TPR: variants seen among roughly 807,000 people sequenced by gnomAD.
TPR encodes translocated promoter region, nuclear basket protein.
A neutral mutation model predicts 316.1 loss-of-function variants in TPR; 51 were observed. That is an observed-to-expected ratio of 0.16 (90% CI 0.13 to 0.20). The LOEUF is 0.20. Among genes scored for constraint, TPR ranks in the 10% least tolerant of loss-of-function variants. The pLI is 1.00. For missense variants in TPR, 2,272 were observed against 2,754.8 expected (o/e 0.82, Z 3.92); for synonymous variants, 981 against 914.7 (o/e 1.07, Z -1.31).
In TPR at chr1:186,312,591, TA is replaced by T; in HGVS notation, c.*1379del. The T allele has an allele frequency of 1.3e-6, 1 of 786,704 alleles. No homozygotes were observed. The highest frequency in any genetic ancestry group is 2.7e-5 in the East Asian group (1 of 37,572). The allele number at this position is 786,704 out of a possible 1,614,324, so 48.7% of individuals were successfully genotyped here. On this transcript the variant is annotated 3_prime_UTR_variant, in exon 51 of 51. Transcript: ENST00000367478. Reference sequence around the variant, plus strand: ...AAGCAGTTTGTTCAGGTTTGTTAGTTATAACCAATACTATTTATCAAGTACT... The same window carrying T: ...AAGCAGTTTGTTCAGGTTTGTTAGTTTAACCAATACTATTTATCAAGTACT...
At chr1:186,341,728 C>G (rs1658509418) in intron 27 of TPR, 1 of 187,542 alleles carries the variant, frequency 5.3e-6, no homozygotes, top group African/African-American at 2.4e-5. Context: ...AAATGTTATT[C>G]TAATCCTCAG....
chr1:186,372,674 G>A (rs370890303), intron 2 of TPR, among the ~76,000 whole-genome samples: 15 of 152,266 alleles, frequency 9.9e-5, no homozygotes, highest in Non-Finnish European at 1.8e-4. Context: ...GTCTGATCTC[G>A]GAAGCTAAGC....
chr1:186,363,133 T>A, intron 5 of TPR, 132 bp from the exon 6 acceptor site: 1 of 1,124,570 alleles, frequency 8.9e-7, no homozygotes, highest in Non-Finnish European at 1.2e-6. Context: ...CATAGATTCT[T>A]AACTAGAAAA....
intron 21 of TPR, among the ~76,000 whole-genome samples, chr1:186,349,009 C>G (rs1658766131): frequency 1.3e-5 from 2 of 152,132 alleles, no homozygotes; most frequent in South Asian, 4.1e-4. Flanking sequence ...AGATGCTTCT[C>G]TACTCCCAGT....
intron 38 of TPR, 145 bp downstream of exon 38, chr1:186,332,050 G>T: frequency 1.3e-6 from 1 of 785,962 alleles, no homozygotes; most frequent in Non-Finnish European, 1.9e-6. Context: ...GGTTGTCAGT[G>T]GAATCTTTGT....
chr1:186,333,527 G>A (rs972655978), intron 36 of TPR, 133 bp from the exon 37 acceptor site: 2 of 1,059,746 alleles, frequency 1.9e-6, no homozygotes, highest in African/African-American at 1.6e-5. Flanking sequence ...TGTAGGTAAA[G>A]GTAATGTATT....
Position 186,353,829 on chromosome 1 carries a change from A to G in TPR, c.2193T>C (p.Asn731=), listed in dbSNP as rs1658945198. ...TTATTTCTCGACGATATCCTTCAAC[A>G]TTATCTTGCAGCATTTCATAACTGG... The part of the protein sequence containing the change: ...ASKRYEMLQD[N]VEGYRREITS... The change falls in exon 18 of 51, where the codon AAT becomes AAC. Residue 731 remains asparagine (N), a synonymous_variant. Transcript: ENST00000367478. The G allele has an allele frequency of 2.5e-6, 4 of 1,613,750 alleles. No individual in the cohort carries two copies. Among genetic ancestry groups the G allele is most frequent in the Non-Finnish European group, 3.4e-6 (4 of 1,179,954 alleles).
intron 39 of TPR, 37 bp from the exon 40 acceptor site, chr1:186,327,697 C>T (rs2102060365): frequency 6.4e-7 from 1 of 1,568,722 alleles, no homozygotes; most frequent in Non-Finnish European, 8.7e-7. Flanking sequence ...AATTAAGAGC[C>T]CTATAAACAT....
At position 186,314,645 on chromosome 1, in the gene TPR, C is replaced by G; in HGVS notation, c.7020G>C (p.Gln2340His). The change falls in exon 50 of 51, where the codon CAG (glutamine) becomes CAC (histidine). Residue 2340 changes from glutamine (Q) to histidine (H), a missense_variant. Physicochemically the swap from Gln to His is conservative, Grantham distance 24. Transcript: ENST00000367478. ...TTLRQGVRGRQFNRQRGVSHA... is the reference protein window; with the variant it reads ...TTLRQGVRGRHFNRQRGVSHA... Reference sequence around the variant, plus strand: ...GAAATTCACCTCTCTGTCTGTTAAACTGACGACCACGGACACCTTGTCTCA... The same window carrying G: ...GAAATTCACCTCTCTGTCTGTTAAAGTGACGACCACGGACACCTTGTCTCA... 1.2e-6 allele frequency: 2 copies of G among 1,610,828 alleles called. No homozygotes were observed. Among genetic ancestry groups the G allele is most frequent in the Non-Finnish European group, 1.7e-6 (2 of 1,178,354 alleles).
intron 2 of TPR, 86 bp downstream of exon 2, chr1:186,373,273 T>C (rs1659587889): frequency 1.2e-6 from 1 of 817,254 alleles, no homozygotes; most frequent in Non-Finnish European, 1.9e-6. Context: ...TCATGTTTAG[T>C]AAGCAAATGT....
chr1:186,318,522 C>T lies in TPR; in HGVS notation c.6746G>A (p.Gly2249Asp). ...TGTTTCATTTGTTGTAGATAAAGTG[C>T]CAGTGGATGTAGTCACCATTGGAAC... ...QSVPMVTTST[G>D]TLSTTNETAT... is the part of the protein sequence containing the mutation. Residue 2249 changes from glycine (G) to aspartate (D), a missense_variant, in exon 48 of 51, where the codon GGC becomes GAC. Gly to Asp is a moderately conservative substitution (Grantham distance 94). Around this residue, in one of 10 missense-constraint regions of TPR, gnomAD observed 123 missense variants for 142.3 expected, o/e 0.86. Coordinates refer to ENST00000367478, the MANE Select transcript of TPR (RefSeq NM_003292.3). The T allele has an allele frequency of 6.2e-7, 1 of 1,614,078 alleles. No homozygotes were observed. Among genetic ancestry groups the T allele is most frequent in the Non-Finnish European group, 8.5e-7 (1 of 1,180,006 alleles).
At position 186,312,008 on chromosome 1, in the gene TPR, AATT is replaced by A; in HGVS notation, c.*1960_*1962del. On this transcript the variant is annotated 3_prime_UTR_variant, in exon 51 of 51. Transcript: ENST00000367478. Reference sequence around the variant, plus strand: ...CATTCAACAAGTATTTCAGTTTAATAATTATTTTTATAATACCCTTGACTAATA... The same window carrying A: ...CATTCAACAAGTATTTCAGTTTAATAATTTTTATAATACCCTTGACTAATA... 6.6e-6 allele frequency: 4 copies of A among 604,730 alleles called. No homozygotes were observed. Among genetic ancestry groups the A allele is most frequent in the Middle Eastern group, 4.5e-4 (1 of 2,236 alleles). The allele number at this position is 604,730 out of a possible 1,614,324, so 37.5% of individuals were successfully genotyped here.
At chr1:186,329,190 A>G (rs1658083842) in intron 39 of TPR, among the ~76,000 whole-genome samples, 1 of 152,228 alleles carries the variant, frequency 6.6e-6, no homozygotes, top group African/African-American at 2.4e-5. Flanking sequence ...GCTAATTTCA[A>G]GAAAAAGCTT....
At position 186,341,240 on chromosome 1, in the gene TPR, T is replaced by C. The variant is rs780040223; in HGVS notation, c.3888+12A>G. On this transcript the variant is annotated intron_variant, in intron 28 of 50. Transcript: ENST00000367478. ...ACAACATGCTTCCACTCTTGATAAC[T>C]AAGCAACAAACCTTTGCTTGCATTT... is the stretch of plus-strand genomic sequence containing the variant. 4 of 1,613,456 alleles carry C rather than the reference T, an allele frequency of 2.5e-6. No individual in the cohort carries two copies. Among genetic ancestry groups the C allele is most frequent in the Non-Finnish European group, 3.4e-6 (4 of 1,179,882 alleles).
rs147127406 is a variant in TPR, at chr1:186,339,722, G to A, written c.4071C>T (p.Leu1357=). The A allele has an allele frequency of 1.2e-6, 2 of 1,603,270 alleles. No individual in the cohort carries two copies. Among genetic ancestry groups the A allele is most frequent in the South Asian group, 2.2e-5 (2 of 89,278 alleles). Residue 1357 remains leucine (L), a synonymous_variant, in exon 30 of 51, where the codon CTC becomes CTT. Transcript: ENST00000367478. ...TAGTATGAACTTCCTTTTCAGAAAG[G>A]AGCTTCCGATATTCTTCTGTATCTG... ...KDPDTEEYRK[L]LSEKEVHTKR... is the part of the protein sequence containing the mutation.
chr1:186,356,585 T>G, intron 14 of TPR, 136 bp from the exon 15 acceptor site: 4 of 832,712 alleles, frequency 4.8e-6, no homozygotes, highest in Non-Finnish European at 7.1e-6. Context: ...TTTTTCATGC[T>G]GAGTATTTTA....
chr1:186,315,952 A>T (rs1280544983), intron 49 of TPR, among the ~76,000 whole-genome samples: 1 of 150,132 alleles, frequency 6.7e-6, no homozygotes, highest in African/African-American at 2.5e-5. Context: ...TCTCTTAGTG[A>T]TGCTTCCTAT....
intron 45 of TPR, among the ~76,000 whole-genome samples, chr1:186,321,184 G>A (rs1657765436): frequency 6.6e-6 from 1 of 152,168 alleles, no homozygotes; most frequent in Admixed American, 6.5e-5. Flanking sequence ...AGCTGAAATT[G>A]ATTGGCTGGT....
intron 43 of TPR, among the ~76,000 whole-genome samples, chr1:186,323,406 A>T (rs1008251480): frequency 4.6e-5 from 7 of 152,208 alleles, no homozygotes; most frequent in Non-Finnish European, 7.4e-5. Context: ...AACCCAAGAA[A>T]ATCTTTTTCT....
Sources: allele counts gnomAD v4.1 joint callset (sites outside exome capture counted in the v4.1 genomes callset), GRCh38; gene constraint gnomAD v4.1.1; regional missense constraint gnomAD v4.1.1; transcripts MANE v1.5; gene names NCBI Gene and HGNC (gene_info 2026-07-23, HGNC 2026-07-21).